The following ASIC2 variants were observed in gnomAD, a reference collection of about 807,000 sequenced individuals.
ASIC2 encodes the protein acid sensing ion channel subunit 2.
ASIC2 carries 25 observed loss-of-function variants against 57.3 expected under a neutral mutation model. The ratio of observed to expected loss-of-function variants is 0.44; its 90% CI spans 0.32 to 0.61. ASIC2 has a LOEUF of 0.61. ASIC2 is among the 20% of genes least tolerant of loss of function. ASIC2 has a pLI of 0.06. For synonymous variants in ASIC2, 319 were observed against 307.5 expected (o/e 1.04, Z -0.39); for missense variants, 641 against 738.1 (o/e 0.87, Z 1.52).
chr17:33,913,691 G>A (rs549046124), intron 1 of ASIC2, among the ~76,000 whole-genome samples: 2 of 151,104 alleles, frequency 1.3e-5, no homozygotes, highest in South Asian at 2.1e-4. Flanking sequence ...ATCATAAAGA[G>A]TACACTTAGT....
At chr17:34,147,549 C>G (rs1293240257) in intron 1 of ASIC2, among the ~76,000 whole-genome samples, 1 of 152,056 alleles carries the variant, frequency 6.6e-6, no homozygotes, top group Non-Finnish European at 1.5e-5. Context: ...AAATAATAAC[C>G]ATGTAGTATT....
At chr17:33,766,240 C>T (rs1332178634) in intron 1 of ASIC2, among the ~76,000 whole-genome samples, 1 of 152,102 alleles carries the variant, frequency 6.6e-6, no homozygotes, top group Non-Finnish European at 1.5e-5. Flanking sequence ...TCTTACTGTG[C>T]CTAATTTATG....
intron 1 of ASIC2, among the ~76,000 whole-genome samples, chr17:33,599,302 C>A (rs955578907): frequency 2.0e-5 from 3 of 152,154 alleles, no homozygotes; most frequent in Admixed American, 1.3e-4. Context: ...CAACACACAA[C>A]CCTGAAGGTT....
intron 1 of ASIC2, among the ~76,000 whole-genome samples, chr17:33,209,489 G>A (rs1384698884): frequency 6.6e-6 from 1 of 152,310 alleles, no homozygotes; most frequent in Non-Finnish European, 1.5e-5. Flanking sequence ...ACAGTCCTGT[G>A]CATTTTAGGA....
chr17:33,411,956 TG>T (rs1910677246), intron 1 of ASIC2, among the ~76,000 whole-genome samples: 1 of 152,158 alleles, frequency 6.6e-6, no homozygotes, highest in African/African-American at 2.4e-5. Flanking sequence ...CGAAAATATT[TG>T]GTTAGGGTTT....
chr17:33,188,129 T>C (rs1256179333), intron 1 of ASIC2, among the ~76,000 whole-genome samples: 3 of 151,780 alleles, frequency 2.0e-5, no homozygotes, highest in African/African-American at 4.8e-5. Context: ...ATGGAAGACA[T>C]AAAAAGGACC....
chr17:33,230,689 C>A (rs551270329), intron 1 of ASIC2, among the ~76,000 whole-genome samples: 1 of 151,958 alleles, frequency 6.6e-6, no homozygotes, highest in Admixed American at 6.5e-5. Flanking sequence ...AGCTGTCACA[C>A]ACAGTGCGAA....
At chr17:34,102,364 A>G (rs9915691) in intron 1 of ASIC2, among the ~76,000 whole-genome samples, 2,167 of 152,058 alleles carry the variant, frequency 0.014, 54 homozygotes, top group African/African-American at 0.049. Context: ...AAAATAAAAT[A>G]TAAAGATAAA....
intron 1 of ASIC2, among the ~76,000 whole-genome samples, chr17:33,279,281 A>G (rs1904841666): frequency 6.6e-6 from 1 of 152,162 alleles, no homozygotes; most frequent in Non-Finnish European, 1.5e-5. Context: ...TTCCAGGCAT[A>G]TTCTGGGCAT....
At chr17:33,996,095 A>G (rs1217359955) in intron 1 of ASIC2, among the ~76,000 whole-genome samples, 1 of 152,068 alleles carries the variant, frequency 6.6e-6, no homozygotes, top group Admixed American at 6.5e-5. Context: ...TTCCTGGATG[A>G]TTAGTGATGT....
At chr17:33,247,738 G>C (rs1433689765) in intron 1 of ASIC2, among the ~76,000 whole-genome samples, 1 of 152,194 alleles carries the variant, frequency 6.6e-6, no homozygotes, top group Admixed American at 6.5e-5. Flanking sequence ...GTAAGGACAG[G>C]AGGGCGAGTC....
intron 1 of ASIC2, among the ~76,000 whole-genome samples, chr17:33,455,766 A>T (rs539321206): frequency 6.6e-6 from 1 of 152,250 alleles, no homozygotes; most frequent in Non-Finnish European, 1.5e-5. Context: ...TTTACATCTC[A>T]AAAGCCCCAG....
chr17:33,193,750 C>T (rs79736129), intron 1 of ASIC2, among the ~76,000 whole-genome samples: 7,739 of 152,202 alleles, frequency 0.051, 341 homozygotes, highest in East Asian at 0.17. Flanking sequence ...TCTGCAATTC[C>T]GACAAGCTCC....
chr17:34,007,107 C>T (rs1906553150), intron 1 of ASIC2, among the ~76,000 whole-genome samples: 1 of 152,152 alleles, frequency 6.6e-6, no homozygotes, highest in South Asian at 2.1e-4. Flanking sequence ...CAAATGGCAT[C>T]TTTTCCTGGA....
intron 1 of ASIC2, among the ~76,000 whole-genome samples, chr17:34,140,448 T>C (rs535595282): frequency 6.6e-6 from 1 of 152,300 alleles, no homozygotes; most frequent in African/African-American, 2.4e-5. Context: ...TACACCCTAG[T>C]AGTACTGAGC....
chr17:33,847,039 A>C (rs559523010), intron 1 of ASIC2, among the ~76,000 whole-genome samples: 1 of 152,066 alleles, frequency 6.6e-6, no homozygotes, highest in Non-Finnish European at 1.5e-5. Flanking sequence ...TCCTAGCAGC[A>C]GCAGGAGGAG....
At chr17:33,714,748 C>T (rs1172382682) in intron 1 of ASIC2, among the ~76,000 whole-genome samples, 1 of 147,410 alleles carries the variant, frequency 6.8e-6, no homozygotes, top group Non-Finnish European at 1.5e-5. Flanking sequence ...AAACCTAAAA[C>T]AAAACAACCA....
chr17:33,814,102 G>T (rs1309127899), intron 1 of ASIC2, among the ~76,000 whole-genome samples: 1 of 152,120 alleles, frequency 6.6e-6, no homozygotes, highest in East Asian at 1.9e-4. Flanking sequence ...TCCATGCCCA[G>T]GGGTAGGAGA....
chr17:33,505,202 A>G (rs1914212915), intron 1 of ASIC2, among the ~76,000 whole-genome samples: 1 of 152,150 alleles, frequency 6.6e-6, no homozygotes, highest in East Asian at 1.9e-4. Flanking sequence ...AGAGGGGCAC[A>G]GCACTGAGAT....
Sources: gnomAD v4.1 joint callset for allele counts (sites outside exome capture counted in the v4.1 genomes callset) on GRCh38, gnomAD v4.1.1 for gene constraint, MANE v1.5 for transcripts, NCBI Gene and HGNC (gene_info 2026-07-23, HGNC 2026-07-21) for gene names.